PGCKA1: variants seen among roughly 807,000 people sequenced by gnomAD.
The protein encoded by PGCKA1 is PDCD10 and GCKIII kinases-associated protein 1.
the PGCKA1 span, among the ~76,000 whole-genome samples, chr4:37,571,569 G>A: frequency 2.0e-5 from 3 of 149,956 alleles, no homozygotes; most frequent in East Asian, 2.0e-4. Flanking sequence ...ACAGAGTCTC[G>A]CTCTGTCGCC....
chr4:37,585,159 G>A, the PGCKA1 span, among the ~76,000 whole-genome samples: 1 of 79,560 alleles, frequency 1.3e-5, no homozygotes, highest in African/African-American at 7.5e-5. Context: ...GGTCAGGAGG[G>A]GAGGGGAGAG....
the PGCKA1 span, among the ~76,000 whole-genome samples, chr4:37,463,418 TGACAA>T: frequency 6.6e-6 from 1 of 152,154 alleles, no homozygotes; most frequent in Non-Finnish European, 1.5e-5. Flanking sequence ...CTTTTAAACT[TGACAA>T]GACAAGTTTT....
the PGCKA1 span, among the ~76,000 whole-genome samples, chr4:37,589,291 G>A: frequency 6.6e-6 from 1 of 152,170 alleles, no homozygotes; most frequent in Non-Finnish European, 1.5e-5. Context: ...AAGGGTAACT[G>A]ATGATCTTGC....
the PGCKA1 span, among the ~76,000 whole-genome samples, chr4:37,476,301 T>C: frequency 1.3e-5 from 2 of 152,196 alleles, no homozygotes; most frequent in Non-Finnish European, 2.9e-5. Flanking sequence ...GTGAAGCAGA[T>C]GTGGGACTGT....
the PGCKA1 span, among the ~76,000 whole-genome samples, chr4:37,540,194 T>G: frequency 5.6e-3 from 853 of 152,316 alleles, 12 homozygotes; most frequent in African/African-American, 0.019. Context: ...TGCACTTATA[T>G]GTATTTGTGC....
chr4:37,568,543 C>T, the PGCKA1 span, among the ~76,000 whole-genome samples: 2 of 152,200 alleles, frequency 1.3e-5, no homozygotes, highest in East Asian at 3.9e-4. Flanking sequence ...GCTGAAGAGG[C>T]ATTTCCAAAA....
chr4:37,523,297 T>C, the PGCKA1 span, among the ~76,000 whole-genome samples: 1 of 152,188 alleles, frequency 6.6e-6, no homozygotes, highest in Admixed American at 6.5e-5. Flanking sequence ...AGTTGTTGTG[T>C]TCTCCTTCCC....
chr4:37,485,257 A>G, the PGCKA1 span, among the ~76,000 whole-genome samples: 1 of 152,138 alleles, frequency 6.6e-6, no homozygotes, highest in African/African-American at 2.4e-5. Flanking sequence ...GTGTCCCCCA[A>G]AGTTCATGAG....
chr4:37,580,994 A>C, the PGCKA1 span, among the ~76,000 whole-genome samples: 1 of 152,106 alleles, frequency 6.6e-6, no homozygotes, highest in East Asian at 1.9e-4. Context: ...TCCCAGGCAA[A>C]GGATCCTCTT....
At chr4:37,515,918 T>G in the PGCKA1 span, among the ~76,000 whole-genome samples, 1 of 152,240 alleles carries the variant, frequency 6.6e-6, no homozygotes, top group African/African-American at 2.4e-5. Context: ...AATCTTAACA[T>G]ACATCATTGC....
the PGCKA1 span, chr4:37,460,359 G>A: frequency 3.0e-5 from 8 of 264,856 alleles, no homozygotes; most frequent in African/African-American, 1.9e-4. Flanking sequence ...ACCCAATAAT[G>A]AGATTGCTGG....
chr4:37,483,873 T>C, the PGCKA1 span, among the ~76,000 whole-genome samples: 1 of 152,212 alleles, frequency 6.6e-6, no homozygotes, highest in African/African-American at 2.4e-5. Flanking sequence ...GTGAGATGCA[T>C]GGGAACTAAA....
chr4:37,521,173 C>G, the PGCKA1 span, among the ~76,000 whole-genome samples: 2 of 152,078 alleles, frequency 1.3e-5, no homozygotes, highest in African/African-American at 4.8e-5. Flanking sequence ...TGAAGTTTCT[C>G]CATTTTTTGC....
chr4:37,576,411 G>A, the PGCKA1 span, among the ~76,000 whole-genome samples: 1 of 151,796 alleles, frequency 6.6e-6, no homozygotes, highest in African/African-American at 2.4e-5. Context: ...AATGCTACAG[G>A]TTTTTGTATG....
At chr4:37,482,518 A>C in the PGCKA1 span, among the ~76,000 whole-genome samples, 15 of 152,334 alleles carry the variant, frequency 9.8e-5, no homozygotes, top group African/African-American at 3.4e-4. Flanking sequence ...GCAGGAAAGC[A>C]TTCAAGAGAA....
chr4:37,541,972 A>G, the PGCKA1 span, among the ~76,000 whole-genome samples: 35,457 of 152,082 alleles, frequency 0.23, 4,706 homozygotes, highest in East Asian at 0.41. Context: ...CATGCACTCT[A>G]TACAGCATTT....
chr4:37,526,911 G>A, the PGCKA1 span, among the ~76,000 whole-genome samples: 2 of 152,100 alleles, frequency 1.3e-5, no homozygotes, highest in African/African-American at 4.8e-5. Flanking sequence ...TCCTTCAGGA[G>A]GTATTCCAGA....
chr4:37,466,336 C>A, the PGCKA1 span, among the ~76,000 whole-genome samples: 1 of 152,082 alleles, frequency 6.6e-6, no homozygotes, highest in Non-Finnish European at 1.5e-5. Context: ...CCTGTTGGGG[C>A]AACTCATTTA....
At chr4:37,578,494 T>G in the PGCKA1 span, among the ~76,000 whole-genome samples, 1 of 152,174 alleles carries the variant, frequency 6.6e-6, no homozygotes, top group South Asian at 2.1e-4. Context: ...TTTTGAAAAA[T>G]CTATTCAGCC....
Sources: gnomAD v4.1 joint callset for allele counts (sites outside exome capture counted in the v4.1 genomes callset) on GRCh38, gnomAD v4.1.1 for gene constraint, MANE v1.5 for transcripts, NCBI Gene and HGNC (gene_info 2026-07-23, HGNC 2026-07-21) for gene names.